CCDC40: variants seen among roughly 807,000 people sequenced by gnomAD.
The protein encoded by CCDC40 is coiled-coil domain 40 molecular ruler complex subunit.
Under a neutral mutation model 124.5 loss-of-function variants are expected in CCDC40, and 104 were observed. The observed-to-expected ratio is 0.84, with a 90% CI of 0.71 to 0.98. CCDC40 has a LOEUF of 0.98. Among genes scored for constraint, CCDC40 ranks in the 50% least tolerant of loss-of-function variants. The pLI is 0.00. For synonymous variants in CCDC40, 580 were observed against 602.9 expected (o/e 0.96, Z 0.56); for missense variants, 1,463 against 1,503.9 (o/e 0.97, Z 0.45).
At chr17:80,056,003 TATA>T (rs1471825892) in intron 7 of CCDC40, among the ~76,000 whole-genome samples, 1,251 of 23,330 alleles carry the variant, frequency 0.054, 210 homozygotes, top group Non-Finnish European at 0.1. Context: ...TATATATATA[TATA>T]TATATATATA....
Position 80,038,100 on chromosome 17 carries a change from TTCAA to T in CCDC40, c.30-21_30-18del. 6.4e-7 allele frequency: 1 copy of T among 1,554,446 alleles called. No individual in the cohort carries two copies. Among genetic ancestry groups the T allele is most frequent in the Non-Finnish European group, 8.9e-7 (1 of 1,127,180 alleles). On this transcript the variant is annotated intron_variant, in intron 1 of 19. Coordinates refer to ENST00000397545, the MANE Select transcript of CCDC40 (RefSeq NM_017950.4). ...AAAAGAAAGCTGTTGCTTGAAACTG[TTCAA>T]TTGTTTCTCTAAAACCAGGTCCCAT...
intron 13 of CCDC40, among the ~76,000 whole-genome samples, chr17:80,085,550 G>A (rs950758229): frequency 1.3e-5 from 2 of 152,122 alleles, no homozygotes; most frequent in South Asian, 2.1e-4. Context: ...GTGGCTTGCG[G>A]CCCTGCTGAG....
At position 80,081,893 on chromosome 17, in the gene CCDC40, G is replaced by T. The variant is rs371383125; in HGVS notation, c.1824G>T (p.Thr608=). 6.2e-7 allele frequency: 1 copy of T among 1,614,098 alleles called. No individual in the cohort carries two copies. Among genetic ancestry groups the T allele is most frequent in the Non-Finnish European group, 8.5e-7 (1 of 1,180,020 alleles). ...GTCTCCAGGAACAAATGATACTCAC[G>T]GAGGAGTTGCAGGCCATCCGCCAAG... ...SQDQLEQMIL[T]EELQAIRQAI... Residue 608 remains threonine, a synonymous_variant, in exon 12 of 20, where the codon ACG becomes ACT. Coordinates refer to ENST00000397545, the MANE Select transcript of CCDC40 (RefSeq NM_017950.4).
intron 2 of CCDC40, among the ~76,000 whole-genome samples, chr17:80,039,093 A>G (rs1249653125): frequency 6.6e-6 from 1 of 152,152 alleles, no homozygotes; most frequent in East Asian, 1.9e-4. Flanking sequence ...AGGGCCAGGC[A>G]TGGTGGCTCA....
At chr17:80,054,277 G>T (rs1268105268) in intron 7 of CCDC40, among the ~76,000 whole-genome samples, 1 of 151,860 alleles carries the variant, frequency 6.6e-6, no homozygotes, top group Non-Finnish European at 1.5e-5. Flanking sequence ...TTTTTGTTTT[G>T]TTTTTTGTTT....
At chr17:80,090,781 T>G in intron 17 of CCDC40, 1 of 1,292,788 alleles carries the variant, frequency 7.7e-7, no homozygotes, top group Non-Finnish European at 9.8e-7. Context: ...TAAGAGCAGT[T>G]CATAAAATAA....
chr17:80,067,691 A>T, intron 10 of CCDC40: 1 of 1,535,676 alleles, frequency 6.5e-7, no homozygotes. Flanking sequence ...AACGCTCACC[A>T]GGATGCTATA....
intron 3 of CCDC40, among the ~76,000 whole-genome samples, chr17:80,043,738 C>T (rs1051138561): frequency 1.3e-5 from 2 of 151,120 alleles, no homozygotes; most frequent in African/African-American, 4.9e-5. Context: ...AGGCTGGTCT[C>T]GAACTCCTGG....
In CCDC40 at chr17:80,082,016, C is replaced by A. The variant is rs781770351; in HGVS notation, c.1947C>A (p.Phe649Leu). 5 of 1,613,582 alleles carry A rather than the reference C, an allele frequency of 3.1e-6. 1 individual carries two copies. The highest frequency in any genetic ancestry group is 4.2e-6 in the Non-Finnish European group (5 of 1,179,952). ...HMTSNKTTKY[F>L]NQLILRLQKE... ...CCTCCAACAAGACCACCAAATACTT[C>A]AACCAGCTCATCCTGAGGCTGCAGA... The change falls in exon 12 of 20, where the codon TTC becomes TTA. Residue 649 changes from phenylalanine (F) to leucine (L), a missense_variant. Coordinates refer to ENST00000397545, the MANE Select transcript of CCDC40 (RefSeq NM_017950.4).
At chr17:80,068,990 C>A (rs533219089) in intron 10 of CCDC40, among the ~76,000 whole-genome samples, 2 of 152,354 alleles carry the variant, frequency 1.3e-5, no homozygotes, top group African/African-American at 4.8e-5. Context: ...AGTTCATGGC[C>A]TGTCCGTCCA....
Position 80,099,742 on chromosome 17 carries a change from C to T in CCDC40, c.3396C>T (p.Ile1132=), listed in dbSNP as rs1286716507. ...QEALHKVSQM[I]ANKLESPGPS is the part of the protein sequence containing the mutation. ...CCCTGCACAAGGTCAGCCAGATGAT[C>T]GCCAACAAGCTCGAGTCACCAGGGC... The change falls in exon 20 of 20, where the codon ATC becomes ATT. Residue 1132 remains isoleucine (I), a synonymous_variant. Coordinates refer to ENST00000397545, the MANE Select transcript of CCDC40 (RefSeq NM_017950.4). The T allele has an allele frequency of 5.0e-6, 8 of 1,613,440 alleles. No homozygotes were observed. Among genetic ancestry groups the T allele is most frequent in the African/African-American group, 2.7e-5 (2 of 74,904 alleles).
Position 80,085,758 on chromosome 17 carries a change from C to T in CCDC40, c.2236-245C>T, listed in dbSNP as rs531364522. On this transcript the variant is annotated intron_variant, in intron 13 of 19. Transcript: ENST00000397545. The stretch of plus-strand genomic sequence containing the variant: ...GCCATCTTGCTCACTGCACATCTGC[C>T]TCCTGAGTTCAAGCGATTCTCCTGC... Among the ~76,000 whole-genome samples the T allele has an allele frequency of 2.6e-5, 4 of 151,290 alleles. No individual in the cohort carries two copies. The South Asian group carries it at 6.2e-4, about 24-fold the overall frequency.
chr17:80,048,333 G>T, intron 4 of CCDC40: 1 of 551,468 alleles, frequency 1.8e-6, no homozygotes. Flanking sequence ...TGTAAAGAAA[G>T]CCTCTCAAAA....
rs1433992813 is a variant in CCDC40, at chr17:80,099,691, G to A, written c.3345G>A (p.Arg1115=). The A allele has an allele frequency of 6.2e-7, 1 of 1,613,876 alleles. No individual in the cohort carries two copies. The highest frequency in any genetic ancestry group is 8.5e-7 in the Non-Finnish European group (1 of 1,180,036). The change falls in exon 20 of 20, where the codon CGG becomes CGA. Residue 1115 remains arginine, a synonymous_variant. Transcript: ENST00000397545. ...TCGCCACCATCCTGGACCGCGTGCGGGACGAGTACCCCCAGTTCCAGGAGG... is the reference window on the plus strand; with the variant it reads ...TCGCCACCATCCTGGACCGCGTGCGAGACGAGTACCCCCAGTTCCAGGAGG... ...ALIATILDRV[R]DEYPQFQEAL...
intron 10 of CCDC40, among the ~76,000 whole-genome samples, chr17:80,071,709 G>A (rs908143963): frequency 3.3e-5 from 5 of 152,094 alleles, no homozygotes; most frequent in Admixed American, 1.3e-4. Flanking sequence ...AACAGGCTTC[G>A]TGTGAGATGA....
At chr17:80,036,784 GC>G (rs2037071919) in intron 1 of CCDC40, 93 bp downstream of exon 1, 1 of 1,214,536 alleles carries the variant, frequency 8.2e-7, no homozygotes, top group Non-Finnish European at 1.1e-6. Context: ...CTCCTGCCTC[GC>G]CCCTTCGCCT....
At chr17:80,057,356 G>A (rs2037775679) in intron 7 of CCDC40, among the ~76,000 whole-genome samples, 1 of 151,894 alleles carries the variant, frequency 6.6e-6, no homozygotes, top group Non-Finnish European at 1.5e-5. Flanking sequence ...TCAAAGTGCT[G>A]GGGTTACAGG....
In CCDC40 at chr17:80,065,524, C is replaced by G. The variant is rs200858130; in HGVS notation, c.1480C>G (p.Arg494Gly). The G allele has an allele frequency of 1.2e-6, 2 of 1,613,042 alleles. No homozygotes were observed. The highest frequency in any genetic ancestry group is 1.7e-6 in the Non-Finnish European group (2 of 1,179,948). The change falls in exon 10 of 20, where the codon CGC becomes GGC. Residue 494 changes from arginine (R) to glycine (G), a missense_variant. Physicochemically the swap from Arg to Gly is moderately radical, Grantham distance 125. Transcript: ENST00000397545. Reference sequence around the variant, plus strand: ...CGACGCCATCAGCGTGGAGAAGAGGCGCATCATGCAGCAATGGGCCAGCAG... The same window carrying G: ...CGACGCCATCAGCGTGGAGAAGAGGGGCATCATGCAGCAATGGGCCAGCAG... ...EIDAISVEKRRIMQQWASSLV... is the reference protein window; with the variant it reads ...EIDAISVEKRGIMQQWASSLV...
At chr17:80,047,905 TG>T (rs1249895737) in intron 4 of CCDC40, among the ~76,000 whole-genome samples, 1 of 152,192 alleles carries the variant, frequency 6.6e-6, no homozygotes, top group African/African-American at 2.4e-5. Context: ...AAATTCCCTG[TG>T]GTACCGACCT....
Sources: gnomAD v4.1 joint callset for allele counts (sites outside exome capture counted in the v4.1 genomes callset) on GRCh38, gnomAD v4.1.1 for gene constraint, MANE v1.5 for transcripts, NCBI Gene and HGNC (gene_info 2026-07-23, HGNC 2026-07-21) for gene names.